Variants in XKR4 observed in about 807,000 individuals in gnomAD.
The protein encoded by XKR4 is XK related 4.
Under a neutral mutation model 53.9 loss-of-function variants are expected in XKR4, and 12 were observed. That is an observed-to-expected ratio of 0.22 (90% CI 0.14 to 0.36). The LOEUF is 0.36. Ranked by LOEUF, XKR4 falls within the 10% of genes least tolerant of loss-of-function variation. The pLI, the probability that XKR4 is intolerant of heterozygous loss-of-function variation, is 1.00. For missense variants in XKR4, 799 were observed against 859.5 expected, an observed-to-expected ratio of 0.93 and a Z score of 0.88; for synonymous variants, 354 against 362.4, an observed-to-expected ratio of 0.98 and a Z score of 0.26.
intron 1 of XKR4, among the ~76,000 whole-genome samples, chr8:55,356,465 G>T (rs2129384234): frequency 6.6e-6 from 1 of 152,224 alleles, no homozygotes; most frequent in South Asian, 2.1e-4. Flanking sequence ...TTGTAAAAAA[G>T]ACTTAAGATA....
intron 1 of XKR4, among the ~76,000 whole-genome samples, chr8:55,306,574 T>C (rs1020523900): frequency 6.6e-6 from 1 of 152,122 alleles, no homozygotes; most frequent in South Asian, 2.1e-4. Flanking sequence ...ATAAAGAGCT[T>C]GTGCAAGAAA....
intron 1 of XKR4, among the ~76,000 whole-genome samples, chr8:55,192,593 C>G (rs566240643): frequency 1.3e-5 from 2 of 152,218 alleles, no homozygotes; most frequent in African/African-American, 4.8e-5. Flanking sequence ...TTGAGGCAGA[C>G]CCTGAGGGAG....
At chr8:55,264,070 C>T (rs1818566933) in intron 1 of XKR4, among the ~76,000 whole-genome samples, 1 of 152,190 alleles carries the variant, frequency 6.6e-6, no homozygotes, top group Non-Finnish European at 1.5e-5. Flanking sequence ...CTCCCTTGCT[C>T]ATCTTACTGC....
chr8:55,427,652 T>TTAATCTAAAATTAA (rs1805037152), intron 2 of XKR4, among the ~76,000 whole-genome samples: 1 of 152,258 alleles, frequency 6.6e-6, no homozygotes, highest in Non-Finnish European at 1.5e-5. Context: ...TCTGTGTAAT[T>TTAATCTAAAATTAA]GTCCATATTT....
intron 2 of XKR4, among the ~76,000 whole-genome samples, chr8:55,386,558 G>A (rs1490127872): frequency 6.6e-6 from 1 of 152,178 alleles, no homozygotes; most frequent in African/African-American, 2.4e-5. Flanking sequence ...AGTTTCTGTA[G>A]GTTAAAGTTC....
chr8:55,305,540 C>T (rs547712200), intron 1 of XKR4, among the ~76,000 whole-genome samples: 8 of 152,096 alleles, frequency 5.3e-5, no homozygotes, highest in Non-Finnish European at 1.0e-4. Context: ...TTCATACGTG[C>T]CTTGAGTATG....
Position 55,397,636 on chromosome 8 carries a change from G to GCA in XKR4, c.1006+39768_1006+39769dup, listed in dbSNP as rs763401702. Among the ~76,000 whole-genome samples the GCA allele has an allele frequency of 2.3e-3, 353 of 150,918 alleles. 3 individuals are homozygous for GCA. Among genetic ancestry groups the GCA allele is most frequent in the Non-Finnish European group, 3.8e-3 (261 of 67,850 alleles). ...CCTGCCACTGCACCCCACCACACAT[G>GCA]CACACACACATGGGTGCACACACAG... On this transcript the variant is annotated intron_variant, in intron 2 of 2. Coordinates refer to ENST00000327381, the MANE Select transcript of XKR4 (RefSeq NM_052898.2).
chr8:55,285,816 G>T lies in XKR4; in HGVS notation c.807-71862G>T, dbSNP rs147894557. On this transcript the variant is annotated intron_variant, in intron 1 of 2. Coordinates refer to ENST00000327381, the MANE Select transcript of XKR4 (RefSeq NM_052898.2). The stretch of plus-strand genomic sequence containing the variant: ...TGGGCCCATAGGGGCAACTGTTTCT[G>T]AACGTGTTTATCAACCCCTATACCC... 2.8e-3 allele frequency among the ~76,000 whole-genome samples: 433 copies of T among 152,270 alleles called. 1 individual carries two copies. Among genetic ancestry groups the T allele is most frequent in the African/African-American group, 8.1e-3 (337 of 41,554 alleles).
chr8:55,143,572 T>C (rs1319194543), intron 1 of XKR4, among the ~76,000 whole-genome samples: 1 of 152,212 alleles, frequency 6.6e-6, no homozygotes, highest in African/African-American at 2.4e-5. Flanking sequence ...AGAAAAGGAA[T>C]CATTATTCAG....
At position 55,500,905 on chromosome 8, in the gene XKR4, A is replaced by T. The variant is rs183894311; in HGVS notation, c.1007-22376A>T. Among the ~76,000 whole-genome samples, 43 of 152,334 alleles carry T rather than the reference A, an allele frequency of 2.8e-4. No individual in the cohort carries two copies. The East Asian group carries it at 4.8e-3, about 17-fold the overall frequency. On this transcript the variant is annotated intron_variant, in intron 2 of 2. Transcript: ENST00000327381. ...CAAAATACAGCCTTTGCCATTATAC[A>T]CACATGCCTACAAGTAACTAAGAAT...
intron 2 of XKR4, among the ~76,000 whole-genome samples, chr8:55,372,906 T>G (rs954377397): frequency 2.0e-5 from 3 of 152,136 alleles, no homozygotes; most frequent in Non-Finnish European, 4.4e-5. Context: ...CCCTGCAAAC[T>G]GTCAGAGCAG....
intron 2 of XKR4, chr8:55,455,278 C>G (rs1805550010): frequency 6.1e-6 from 1 of 165,068 alleles, no homozygotes; most frequent in Admixed American, 6.5e-5. Context: ...GCTGCGGCGG[C>G]GGCCCGGGCT....
intron 2 of XKR4, among the ~76,000 whole-genome samples, chr8:55,446,406 A>G (rs1805347288): frequency 6.6e-6 from 1 of 151,998 alleles, no homozygotes; most frequent in South Asian, 2.1e-4. Context: ...CAGTGGTGCA[A>G]TCTCAGCTCA....
intron 2 of XKR4, among the ~76,000 whole-genome samples, chr8:55,382,554 G>A (rs1804251430): frequency 6.6e-6 from 1 of 152,120 alleles, no homozygotes; most frequent in Non-Finnish European, 1.5e-5. Context: ...GAGAAAGGGA[G>A]GGTATTTAAA....
chr8:55,371,317 A>T (rs534235254), intron 2 of XKR4, among the ~76,000 whole-genome samples: 10 of 152,104 alleles, frequency 6.6e-5, no homozygotes, highest in African/African-American at 2.2e-4. Context: ...AATGCTGGTG[A>T]TCAGTCTCCA....
intron 2 of XKR4, among the ~76,000 whole-genome samples, chr8:55,521,640 A>T (rs148574763): frequency 1.2e-4 from 19 of 152,350 alleles, no homozygotes; most frequent in African/African-American, 4.6e-4. Context: ...GGGAGGAAAT[A>T]TGAGAAATGG....
rs1563316470 is a variant in XKR4 at position 55,289,650 on chromosome 8, G to GAAAGAAAGAAAGA, written c.807-68026_807-68025insAGAAAGAAAGAAA. On this transcript the variant is annotated intron_variant, in intron 1 of 2. Coordinates refer to ENST00000327381, the MANE Select transcript of XKR4 (RefSeq NM_052898.2). ...GAAAGAAAGAAAGAAAGAAAGAAAGGAAGGAAGGAAAAGAAAAGAAAAGAA... is the reference window on the plus strand; with the variant it reads ...GAAAGAAAGAAAGAAAGAAAGAAAGGAAAGAAAGAAAGAAAGGAAGGAAAAGAAAAGAAAAGAA... Among the ~76,000 whole-genome samples the GAAAGAAAGAAAGA allele has an allele frequency of 3.0e-4, 21 of 70,084 alleles. 1 individual carries two copies. The highest frequency in any genetic ancestry group is 7.4e-4 in the Admixed American group (5 of 6,772). The allele number at this position is 70,084 out of a possible 152,430, so 46.0% of individuals were successfully genotyped here. A position where few individuals can be genotyped will look rare whatever the true frequency, so the allele number is the denominator to read the frequency against.
chr8:55,189,340 A>C (rs1448036270), intron 1 of XKR4, among the ~76,000 whole-genome samples: 1 of 152,148 alleles, frequency 6.6e-6, no homozygotes, highest in Admixed American at 6.5e-5. Context: ...GCCGAGGCAC[A>C]GCTAATGTAT....
intron 2 of XKR4, among the ~76,000 whole-genome samples, chr8:55,435,707 C>T (rs948836739): frequency 2.4e-4 from 37 of 151,840 alleles, no homozygotes; most frequent in African/African-American, 9.0e-4. Context: ...ATAGTGGGAC[C>T]CCAGGCATAT....
Sources: gnomAD v4.1 joint callset for allele counts (sites outside exome capture counted in the v4.1 genomes callset) on GRCh38, gnomAD v4.1.1 for gene constraint, MANE v1.5 for transcripts, NCBI Gene and HGNC (gene_info 2026-07-23, HGNC 2026-07-21) for gene names.